Variants in MEMO1 observed in about 807,000 individuals in gnomAD.
MEMO1 encodes the protein mediator of cell motility 1, also known as protein MEMO1.
MEMO1 carries 6 observed loss-of-function variants against 45.2 expected under a neutral mutation model. The observed-to-expected ratio is 0.13, with a 90% CI of 0.07 to 0.26. The LOEUF is 0.26. MEMO1 is among the 10% of genes least tolerant of loss of function. The pLI is 1.00. For synonymous variants in MEMO1, 78 were observed against 124.3 expected, an observed-to-expected ratio of 0.63 and a Z score of 2.48; for missense variants, 184 against 370.5, an observed-to-expected ratio of 0.50 and a Z score of 4.13.
chr2:31,892,940 T>C (rs796793816), intron 6 of MEMO1, among the ~76,000 whole-genome samples: 98 of 152,266 alleles, frequency 6.4e-4, no homozygotes, highest in African/African-American at 2.3e-3. Flanking sequence ...AAAAATGTTA[T>C]TGTGAAATTT....
chr2:31,925,498 A>AAAAAAAC (rs1682968090), intron 4 of MEMO1, among the ~76,000 whole-genome samples: 1 of 146,752 alleles, frequency 6.8e-6, no homozygotes, highest in Non-Finnish European at 1.5e-5. Flanking sequence ...AAAAAAAAAA[A>AAAAAAAC]ATCTGTTCCC....
intron 6 of MEMO1, among the ~76,000 whole-genome samples, chr2:31,913,244 G>A (rs531775791): frequency 1.3e-3 from 122 of 93,638 alleles, no homozygotes; most frequent in African/African-American, 5.3e-3. Context: ...GCGAGACTCC[G>A]TCTCAAAAAA....
At chr2:32,004,783 CG>C (rs1673839729) in intron 2 of MEMO1, among the ~76,000 whole-genome samples, 1 of 151,870 alleles carries the variant, frequency 6.6e-6, no homozygotes, top group Non-Finnish European at 1.5e-5. Context: ...AAAAATTATC[CG>C]GGTGTGGTGG....
At chr2:31,977,317 G>A (rs1377716861) in intron 2 of MEMO1, among the ~76,000 whole-genome samples, 2 of 152,152 alleles carry the variant, frequency 1.3e-5, no homozygotes, top group Non-Finnish European at 2.9e-5. Flanking sequence ...GAAGGTTTAG[G>A]ACTTCTCATG....
chr2:31,894,509 C>T (rs555660512), intron 6 of MEMO1, among the ~76,000 whole-genome samples: 2 of 152,278 alleles, frequency 1.3e-5, no homozygotes, highest in South Asian at 4.1e-4. Flanking sequence ...CATAGAGAGA[C>T]TTGATAAATT....
At position 31,895,837 on chromosome 2, in the gene MEMO1, CTTTTTTTTTTTTT is replaced by C. The variant is rs71412853; in HGVS notation, c.438-3716_438-3704del. 5.9e-5 allele frequency among the ~76,000 whole-genome samples: 5 copies of C among 84,742 alleles called. No homozygotes were observed. In the East Asian group the frequency reaches 1.2e-3, roughly 20 times the overall value. 55.6% of individuals were successfully genotyped at this position (84,742 alleles called of 152,430 possible). A position where few individuals can be genotyped will look rare whatever the true frequency, so the allele number is the denominator to read the frequency against. ...TGAAAACAAAACACAAGAAAAAAATCTTTTTTTTTTTTTTTTTTTTTTTTTGAGACGGAGTCTC... is the reference window on the plus strand; with the variant it reads ...TGAAAACAAAACACAAGAAAAAAATCTTTTTTTTTTTTGAGACGGAGTCTC... On this transcript the variant is annotated intron_variant, in intron 6 of 9. Coordinates refer to ENST00000404530, the MANE Select transcript of MEMO1 (RefSeq NM_001301833.4).
At chr2:31,932,171 A>C (rs371259294) in intron 3 of MEMO1, 36 bp from the exon 4 acceptor site, 28 of 1,569,574 alleles carry the variant, frequency 1.8e-5, no homozygotes, top group Non-Finnish European at 2.4e-5. Flanking sequence ...TAATCATCAG[A>C]TTCAAAATCA....
intron 7 of MEMO1, among the ~76,000 whole-genome samples, chr2:31,885,326 G>A (rs1676031476): frequency 6.6e-6 from 1 of 152,004 alleles, no homozygotes; most frequent in African/African-American, 2.4e-5. Flanking sequence ...CACCATGTTG[G>A]CCAGGCTGGT....
At chr2:31,943,185 A>T in intron 3 of MEMO1, 117 bp downstream of exon 3, 4 of 760,242 alleles carry the variant, frequency 5.3e-6, no homozygotes, top group Non-Finnish European at 4.5e-6. Context: ...GAGTCGCTTG[A>T]ACCTGGGAGG....
At chr2:31,941,920 T>C (rs1003776445) in intron 3 of MEMO1, among the ~76,000 whole-genome samples, 3 of 152,220 alleles carry the variant, frequency 2.0e-5, no homozygotes, top group Non-Finnish European at 2.9e-5. Context: ...AATTCTGATA[T>C]TGATTAAAAA....
chr2:31,993,533 G>A (rs1443071293), intron 2 of MEMO1, among the ~76,000 whole-genome samples: 1 of 152,186 alleles, frequency 6.6e-6, no homozygotes, highest in Non-Finnish European at 1.5e-5. Context: ...AGAAGGCTAG[G>A]TGGCTAGAAT....
intron 2 of MEMO1, among the ~76,000 whole-genome samples, chr2:31,987,940 C>T (rs1474540127): frequency 6.6e-6 from 1 of 152,076 alleles, no homozygotes; most frequent in East Asian, 1.9e-4. Flanking sequence ...TTATAAATTA[C>T]TTCATGATTC....
At chr2:32,002,501 G>A (rs1025875519) in intron 2 of MEMO1, among the ~76,000 whole-genome samples, 1 of 151,786 alleles carries the variant, frequency 6.6e-6, no homozygotes, top group South Asian at 2.1e-4. Context: ...GTAGGATAAA[G>A]TAAGTTCAGT....
rs894740652 is a variant in MEMO1 at position 31,870,709 on chromosome 2, T to G, written c.658-757A>C. Among the ~76,000 whole-genome samples, 25 of 152,216 alleles carry G rather than the reference T, an allele frequency of 1.6e-4. No homozygotes were observed. The East Asian group carries it at 4.8e-3, about 29-fold the overall frequency. ...TTCCTGCCTCAGCCTCCTGAGTAAC[T>G]GGGATTACAGACAACACACCACCAC... On this transcript the variant is annotated intron_variant, in intron 8 of 9. Coordinates refer to ENST00000404530, the MANE Select transcript of MEMO1 (RefSeq NM_001301833.4).
In MEMO1 at chr2:31,949,642, C is replaced by CAAAA. The variant is rs549686329; in HGVS notation, c.62-6263_62-6260dup. ...AGGAGGTGGAGATGGTTAATGGGTA[C>CAAAA]AAAAAAAAAAAAAAAAAAAACCAGA... On this transcript the variant is annotated intron_variant, in intron 2 of 9. Transcript: ENST00000404530. Among the ~76,000 whole-genome samples, 60 of 108,866 alleles carry CAAAA rather than the reference C, an allele frequency of 5.5e-4. 2 individuals carry two copies. The East Asian group carries it at 6.5e-3, about 12-fold the overall frequency. The allele number at this position is 108,866 out of a possible 152,430, so 71.4% of individuals were successfully genotyped here.
At chr2:31,923,433 T>C (rs2148192451) in intron 4 of MEMO1, 2 of 412,880 alleles carry the variant, frequency 4.8e-6, no homozygotes, top group South Asian at 6.4e-5. Context: ...ACCTCTATCA[T>C]CAATTCGAGA....
intron 2 of MEMO1, among the ~76,000 whole-genome samples, chr2:31,987,562 A>G (rs1291884716): frequency 1.3e-5 from 2 of 152,236 alleles, no homozygotes; most frequent in East Asian, 3.8e-4. Context: ...CTGGTGTCAG[A>G]CAAATAACAT....
intron 2 of MEMO1, among the ~76,000 whole-genome samples, chr2:31,979,264 A>G (rs1233235951): frequency 2.0e-5 from 3 of 152,202 alleles, no homozygotes; most frequent in East Asian, 3.8e-4. Context: ...TCTCTCCCTC[A>G]ACGCCTGGGG....
intron 2 of MEMO1, among the ~76,000 whole-genome samples, chr2:31,972,069 C>G (rs895715911): frequency 6.6e-6 from 1 of 152,180 alleles, no homozygotes; most frequent in African/African-American, 2.4e-5. Flanking sequence ...CTACAAGATT[C>G]AGAAAGGTGC....
Sources: gnomAD v4.1 joint callset for allele counts (sites outside exome capture counted in the v4.1 genomes callset) on GRCh38, gnomAD v4.1.1 for gene constraint, MANE v1.5 for transcripts, NCBI Gene and HGNC (gene_info 2026-07-23, HGNC 2026-07-21) for gene names.